Variants in CNTNAP2 observed in about 807,000 individuals in gnomAD.
CNTNAP2 encodes contactin associated protein 2.
CNTNAP2 carries 98 observed loss-of-function variants against 155.2 expected under a neutral mutation model. The observed-to-expected ratio is 0.63, with a 90% confidence interval of 0.54 to 0.75. The LOEUF (loss-of-function observed/expected upper bound fraction) is 0.75, where lower values mean the gene tolerates loss of function less well. Ranked by LOEUF, CNTNAP2 falls within the 30% of genes least tolerant of loss-of-function variation. The pLI, the probability that CNTNAP2 is intolerant of heterozygous loss-of-function variation, is 0.00. For missense variants in CNTNAP2, 1,727 were observed against 1,688.1 expected, an observed-to-expected ratio of 1.02 and a Z score of -0.40; for synonymous variants, 651 against 631.2, an observed-to-expected ratio of 1.03 and a Z score of -0.47.
intron 2 of CNTNAP2, among the ~76,000 whole-genome samples, chr7:146,784,288 T>C (rs1210224666): frequency 6.6e-6 from 1 of 152,180 alleles, no homozygotes; most frequent in Non-Finnish European, 1.5e-5. Flanking sequence ...CTGCCGCCTT[T>C]GAAATGGCTC....
intron 3 of CNTNAP2, among the ~76,000 whole-genome samples, chr7:146,914,227 T>C (rs1217947541): frequency 6.6e-6 from 1 of 152,080 alleles, no homozygotes; most frequent in Non-Finnish European, 1.5e-5. Flanking sequence ...CTGGTTCCAT[T>C]TTTAATTGTG....
At chr7:147,125,312 G>T (rs923816138) in intron 6 of CNTNAP2, among the ~76,000 whole-genome samples, 2 of 152,096 alleles carry the variant, frequency 1.3e-5, no homozygotes, top group Non-Finnish European at 2.9e-5. Context: ...ACCGCTCCCG[G>T]CATATATGGA....
At chr7:148,310,525 G>A (rs1270712179) in intron 21 of CNTNAP2, among the ~76,000 whole-genome samples, 1 of 152,200 alleles carries the variant, frequency 6.6e-6, no homozygotes, top group African/African-American at 2.4e-5. Flanking sequence ...AGTAGAGGCA[G>A]AAAGTCCTAA....
intron 1 of CNTNAP2, among the ~76,000 whole-genome samples, chr7:146,712,597 A>G (rs2129175571): frequency 6.6e-6 from 1 of 150,974 alleles, no homozygotes; most frequent in Middle Eastern, 3.4e-3. Flanking sequence ...CTTCACATAT[A>G]TGCCTGTTTC....
intron 12 of CNTNAP2, among the ~76,000 whole-genome samples, chr7:147,609,358 C>T (rs967148180): frequency 5.3e-5 from 8 of 152,032 alleles, no homozygotes; most frequent in African/African-American, 1.9e-4. Flanking sequence ...GGTGAAACCC[C>T]GTCTCCACTA....
At chr7:148,006,375 AGTG>A (rs762198303) in intron 15 of CNTNAP2, among the ~76,000 whole-genome samples, 12 of 127,316 alleles carry the variant, frequency 9.4e-5, no homozygotes, top group African/African-American at 1.6e-4. Flanking sequence ...GATGGAGTAC[AGTG>A]GTACAATCTC....
chr7:146,644,625 G>A (rs767126595), intron 1 of CNTNAP2, among the ~76,000 whole-genome samples: 6 of 151,762 alleles, frequency 4.0e-5, no homozygotes, highest in East Asian at 1.9e-4. Context: ...GCAAATAGAC[G>A]CAATAAAAAA....
At chr7:146,736,690 A>G (rs1422583455) in intron 1 of CNTNAP2, among the ~76,000 whole-genome samples, 2 of 152,194 alleles carry the variant, frequency 1.3e-5, no homozygotes, top group Non-Finnish European at 1.5e-5. Context: ...AGTGCTAAGC[A>G]TGGTTGCGGG....
At chr7:148,402,210 C>A (rs1308838888) in intron 22 of CNTNAP2, among the ~76,000 whole-genome samples, 3 of 152,224 alleles carry the variant, frequency 2.0e-5, no homozygotes, top group African/African-American at 7.2e-5. Flanking sequence ...CTGCCACTTT[C>A]TCATTCCTTT....
chr7:146,903,707 G>A (rs1796052910), intron 3 of CNTNAP2, among the ~76,000 whole-genome samples: 1 of 152,178 alleles, frequency 6.6e-6, no homozygotes, highest in African/African-American at 2.4e-5. Flanking sequence ...CCAGAGGCCT[G>A]CAGAGAGAGA....
At chr7:147,539,029 G>A (rs1427237533) in intron 11 of CNTNAP2, among the ~76,000 whole-genome samples, 1 of 152,064 alleles carries the variant, frequency 6.6e-6, no homozygotes, top group Non-Finnish European at 1.5e-5. Flanking sequence ...GCTTAATGTT[G>A]TTTTTAGGTT....
chr7:147,474,878 T>C (rs1399246201), intron 10 of CNTNAP2, among the ~76,000 whole-genome samples: 1 of 152,146 alleles, frequency 6.6e-6, no homozygotes, highest in Non-Finnish European at 1.5e-5. Flanking sequence ...TGAAGAGTGA[T>C]TCTTGGAGGG....
At chr7:147,556,139 A>G (rs970178731) in intron 11 of CNTNAP2, among the ~76,000 whole-genome samples, 13 of 152,142 alleles carry the variant, frequency 8.5e-5, no homozygotes, top group Admixed American at 4.6e-4. Flanking sequence ...CTTCAAGGCT[A>G]TGTGGACCTT....
chr7:147,313,582 G>A (rs2116801440), intron 9 of CNTNAP2, among the ~76,000 whole-genome samples: 1 of 148,632 alleles, frequency 6.7e-6, no homozygotes, highest in East Asian at 2.0e-4. Context: ...TAGATATGCA[G>A]CGTTATTTCT....
intron 1 of CNTNAP2, among the ~76,000 whole-genome samples, chr7:146,232,584 G>T (rs113101167): frequency 0.015 from 2,313 of 151,830 alleles, 49 homozygotes; most frequent in African/African-American, 0.052. Context: ...TTTGGTTTCT[G>T]CTGTGGAACA....
At chr7:147,837,792 C>A (rs1798657879) in intron 13 of CNTNAP2, among the ~76,000 whole-genome samples, 1 of 152,204 alleles carries the variant, frequency 6.6e-6, no homozygotes, top group Non-Finnish European at 1.5e-5. Flanking sequence ...AAAAGATCTC[C>A]TTTGACTCCA....
intron 16 of CNTNAP2, among the ~76,000 whole-genome samples, chr7:148,143,049 TTCAG>T (rs1410979558): frequency 6.6e-6 from 1 of 152,260 alleles, no homozygotes. Context: ...CCTGTAATGA[TTCAG>T]TATCTAAAAT....
intron 18 of CNTNAP2, among the ~76,000 whole-genome samples, chr7:148,200,212 G>A (rs1039059056): frequency 3.3e-5 from 5 of 152,116 alleles, no homozygotes; most frequent in Non-Finnish European, 4.4e-5. Flanking sequence ...ATTGACACAC[G>A]AAATTAACCA....
At chr7:146,166,548 G>C (rs1270968009) in intron 1 of CNTNAP2, among the ~76,000 whole-genome samples, 1 of 152,088 alleles carries the variant, frequency 6.6e-6, no homozygotes, top group Non-Finnish European at 1.5e-5. Context: ...TTACTTAAAT[G>C]ATAATGCAAA....
Sources: allele counts gnomAD v4.1 joint callset (sites outside exome capture counted in the v4.1 genomes callset), GRCh38; gene constraint gnomAD v4.1.1; transcripts MANE v1.5; gene names NCBI Gene and HGNC (gene_info 2026-07-23, HGNC 2026-07-21).